The following GALNT17 variants were observed in gnomAD, a reference collection of about 807,000 sequenced individuals.
The protein encoded by GALNT17 is polypeptide N-acetylgalactosaminyltransferase 17, also known as UDP-GalNAc:polypeptide N-acetylgalactosaminyltransferase-like 3.
GALNT17 carries 29 observed loss-of-function variants against 63.7 expected under a neutral mutation model. That is an observed-to-expected ratio of 0.46 (90% CI 0.34 to 0.62). GALNT17 has a LOEUF of 0.62. Ranked by LOEUF, GALNT17 falls within the 20% of genes least tolerant of loss-of-function variation. GALNT17 has a pLI of 0.01. For missense variants in GALNT17, 603 were observed against 799.6 expected (o/e 0.75, Z 2.97); for synonymous variants, 305 against 318.3 (o/e 0.96, Z 0.45).
rs1787889721 is a variant in GALNT17, at chr7:71,485,138, C to T, written c.962+64033C>T. On this transcript the variant is annotated intron_variant, in intron 5 of 10. Transcript: ENST00000333538. Reference sequence around the variant, plus strand: ...TTTTTTTTTTTAAGACAGGATCTTGCTCTGTTGCTCAGGCTGGAGTGCAGT... The same window carrying T: ...TTTTTTTTTTTAAGACAGGATCTTGTTCTGTTGCTCAGGCTGGAGTGCAGT... Among the ~76,000 whole-genome samples the T allele has an allele frequency of 2.1e-5, 3 of 140,084 alleles. No individual in the cohort carries two copies. The South Asian group carries it at 6.9e-4, about 32-fold the overall frequency. The allele number at this position is 140,084 out of a possible 152,430, so 91.9% of individuals were successfully genotyped here.
chr7:71,282,979 G>A (rs1239908112), intron 1 of GALNT17, among the ~76,000 whole-genome samples: 2 of 152,122 alleles, frequency 1.3e-5, no homozygotes, highest in African/African-American at 4.8e-5. Flanking sequence ...TGGTGGCTTA[G>A]CTGGGGGATC....
chr7:71,228,829 C>T (rs1789730098), intron 1 of GALNT17, among the ~76,000 whole-genome samples: 1 of 152,218 alleles, frequency 6.6e-6, no homozygotes, highest in African/African-American at 2.4e-5. Context: ...TGCAGAGACC[C>T]TGTTTCCAAA....
intron 1 of GALNT17, among the ~76,000 whole-genome samples, chr7:71,296,444 G>A (rs139456868): frequency 0.012 from 1,831 of 151,974 alleles, 18 homozygotes; most frequent in Middle Eastern, 0.027. Flanking sequence ...GGCCAACCCC[G>A]TCTCTACTAA....
At chr7:71,589,943 A>T (rs1010720648) in intron 6 of GALNT17, among the ~76,000 whole-genome samples, 18 of 152,222 alleles carry the variant, frequency 1.2e-4, no homozygotes, top group African/African-American at 4.3e-4. Context: ...GCTATGGATG[A>T]TGCTTGTATA....
chr7:71,295,961 C>T (rs1045918738), intron 1 of GALNT17, among the ~76,000 whole-genome samples: 1 of 150,168 alleles, frequency 6.7e-6, no homozygotes, highest in Non-Finnish European at 1.5e-5. Flanking sequence ...CACATATTTT[C>T]CTTGGTCACA....
chr7:71,206,610 A>G (rs1172163929), intron 1 of GALNT17, among the ~76,000 whole-genome samples: 3 of 152,160 alleles, frequency 2.0e-5, no homozygotes, highest in African/African-American at 7.2e-5. Context: ...GCTTTTCCCA[A>G]TATGATTATA....
At chr7:71,576,059 G>A (rs1353945279) in intron 6 of GALNT17, among the ~76,000 whole-genome samples, 1 of 152,166 alleles carries the variant, frequency 6.6e-6, no homozygotes. Flanking sequence ...TCCAAGGACA[G>A]AAGAAAAGAT....
intron 1 of GALNT17, among the ~76,000 whole-genome samples, chr7:71,152,102 T>G (rs948292988): frequency 2.0e-5 from 3 of 152,190 alleles, no homozygotes; most frequent in African/African-American, 7.2e-5. Context: ...TTAATTTTTT[T>G]TTTCTGCGTG....
chr7:71,681,249 T>G (rs1165130379), intron 9 of GALNT17, among the ~76,000 whole-genome samples: 1 of 152,056 alleles, frequency 6.6e-6, no homozygotes, highest in East Asian at 1.9e-4. Context: ...ATGCCGCTGG[T>G]TTGAGGAAAT....
chr7:71,698,391 A>T (rs930519223), intron 9 of GALNT17, among the ~76,000 whole-genome samples: 1 of 152,202 alleles, frequency 6.6e-6, no homozygotes, highest in Non-Finnish European at 1.5e-5. Flanking sequence ...ATTGCATAAA[A>T]TCATAAGAAT....
At chr7:71,305,473 G>A (rs565211122) in intron 1 of GALNT17, among the ~76,000 whole-genome samples, 2 of 152,266 alleles carry the variant, frequency 1.3e-5, no homozygotes, top group East Asian at 1.9e-4. Context: ...ATTCAGTCCC[G>A]GAAATTCAGA....
intron 6 of GALNT17, among the ~76,000 whole-genome samples, chr7:71,610,327 T>TA (rs1317604810): frequency 6.6e-6 from 1 of 151,694 alleles, no homozygotes; most frequent in Non-Finnish European, 1.5e-5. Context: ...TCTATCTCTT[T>TA]AAAAAATAAC....
In GALNT17 at chr7:71,421,114, C is replaced by G. The variant is rs200703759; in HGVS notation, c.962+9C>G. On this transcript the variant is annotated intron_variant, in intron 5 of 10. Transcript: ENST00000333538. ...CCTTCTCTCCCCATCAGGTCTGTGGCTGGTGAGCCCTGGCGGCCAACGAGC... is the reference window on the plus strand; with the variant it reads ...CCTTCTCTCCCCATCAGGTCTGTGGGTGGTGAGCCCTGGCGGCCAACGAGC... 1.2e-6 allele frequency: 2 copies of G among 1,613,750 alleles called. No individual in the cohort carries two copies. Among genetic ancestry groups the G allele is most frequent in the African/African-American group, 2.7e-5 (2 of 74,898 alleles).
At chr7:71,277,843 T>A (rs1790709740) in intron 1 of GALNT17, among the ~76,000 whole-genome samples, 1 of 152,230 alleles carries the variant, frequency 6.6e-6, no homozygotes, top group South Asian at 2.1e-4. Context: ...ACATGCCACT[T>A]TTGTGCCATG....
chr7:71,218,510 T>C (rs891263242), intron 1 of GALNT17, among the ~76,000 whole-genome samples: 2 of 152,136 alleles, frequency 1.3e-5, no homozygotes, highest in African/African-American at 4.8e-5. Flanking sequence ...TAAATATAAC[T>C]GTAGGGTTTT....
intron 1 of GALNT17, among the ~76,000 whole-genome samples, chr7:71,157,187 A>G (rs1314845937): frequency 6.6e-6 from 1 of 151,884 alleles, no homozygotes; most frequent in Non-Finnish European, 1.5e-5. Context: ...AAGTCTTCAT[A>G]TCTGTGAACC....
intron 1 of GALNT17, among the ~76,000 whole-genome samples, chr7:71,204,576 T>C (rs1789235745): frequency 6.6e-6 from 1 of 151,322 alleles, no homozygotes; most frequent in Non-Finnish European, 1.5e-5. Context: ...TTTTCTTTTT[T>C]TTTTTTTGAG....
At chr7:71,207,381 T>TA (rs1384989619) in intron 1 of GALNT17, among the ~76,000 whole-genome samples, 2 of 152,190 alleles carry the variant, frequency 1.3e-5, no homozygotes, top group African/African-American at 2.4e-5. Context: ...ACCACCCACT[T>TA]CTCTCCTTTC....
At chr7:71,353,731 G>A (rs1028883416) in intron 2 of GALNT17, among the ~76,000 whole-genome samples, 2 of 152,298 alleles carry the variant, frequency 1.3e-5, no homozygotes. Flanking sequence ...AGAATGTAGT[G>A]ACATAGAAGC....
Sources: allele counts gnomAD v4.1 joint callset (sites outside exome capture counted in the v4.1 genomes callset), GRCh38; gene constraint gnomAD v4.1.1; transcripts MANE v1.5; gene names NCBI Gene and HGNC (gene_info 2026-07-23, HGNC 2026-07-21).